The following CSMD1 variants were observed in gnomAD, a reference collection of about 807,000 sequenced individuals.
CSMD1 encodes the protein CUB and Sushi multiple domains 1, also known as CUB and sushi domain-containing protein 1.
CSMD1 carries 213 observed loss-of-function variants against 417.5 expected under a neutral mutation model. The observed-to-expected ratio is 0.51, with a 90% CI of 0.46 to 0.57. CSMD1 has a LOEUF of 0.57. Among genes scored for constraint, CSMD1 ranks in the 20% least tolerant of loss-of-function variants. The pLI is 0.00. For synonymous variants in CSMD1, 2,862 were observed against 1,736.8 expected, an observed-to-expected ratio of 1.65 and a Z score of -16.11; for missense variants, 6,923 against 4,529.7, an observed-to-expected ratio of 1.53 and a Z score of -15.17.
chr8:3,952,196 A>T (rs1811642246), intron 5 of CSMD1, among the ~76,000 whole-genome samples: 1 of 152,174 alleles, frequency 6.6e-6, no homozygotes. Flanking sequence ...GGTGTCTCCG[A>T]GGTGAAAAGA....
chr8:3,091,266 G>A (rs1027340608), intron 48 of CSMD1, among the ~76,000 whole-genome samples: 1 of 151,760 alleles, frequency 6.6e-6, no homozygotes, highest in African/African-American at 2.4e-5. Context: ...AAATGTCTTT[G>A]CTTTCTATAA....
intron 7 of CSMD1, among the ~76,000 whole-genome samples, chr8:3,657,107 G>A (rs188795624): frequency 1.3e-5 from 2 of 152,050 alleles, no homozygotes; most frequent in Admixed American, 6.5e-5. Context: ...ACTGGACATT[G>A]TCATTGGAGA....
chr8:4,177,550 G>C (rs1309399538), intron 3 of CSMD1, among the ~76,000 whole-genome samples: 2 of 152,000 alleles, frequency 1.3e-5, no homozygotes, highest in Non-Finnish European at 2.9e-5. Flanking sequence ...CACATTCAAA[G>C]CTAGCAGAAG....
At chr8:3,361,171 T>C (rs1358910562) in intron 20 of CSMD1, among the ~76,000 whole-genome samples, 3 of 152,180 alleles carry the variant, frequency 2.0e-5, no homozygotes, top group Non-Finnish European at 4.4e-5. Flanking sequence ...CAACAAACAT[T>C]AATTGACAAC....
intron 11 of CSMD1, among the ~76,000 whole-genome samples, chr8:3,492,649 G>T (rs1007116708): frequency 3.3e-5 from 5 of 152,178 alleles, no homozygotes; most frequent in Non-Finnish European, 7.3e-5. Flanking sequence ...CTGTCTTTGA[G>T]GCCCTCTCTC....
At chr8:4,027,483 A>G (rs2130546737) in intron 4 of CSMD1, among the ~76,000 whole-genome samples, 1 of 152,178 alleles carries the variant, frequency 6.6e-6, no homozygotes, top group Non-Finnish European at 1.5e-5. Flanking sequence ...TTCTCATGAG[A>G]TATGATGGCT....
At chr8:4,392,304 C>A (rs373464423) in intron 3 of CSMD1, among the ~76,000 whole-genome samples, 1 of 152,194 alleles carries the variant, frequency 6.6e-6, no homozygotes, top group Non-Finnish European at 1.5e-5. Flanking sequence ...AAAACACAAG[C>A]GGCAGGTTTT....
chr8:4,823,376 T>A (rs1438537179), intron 1 of CSMD1, among the ~76,000 whole-genome samples: 1 of 152,082 alleles, frequency 6.6e-6, no homozygotes, highest in African/African-American at 2.4e-5. Context: ...AGTATGACTT[T>A]GAAAAAAAAT....
intron 4 of CSMD1, among the ~76,000 whole-genome samples, chr8:4,001,499 T>C (rs1487853900): frequency 6.6e-6 from 1 of 152,202 alleles, no homozygotes; most frequent in Non-Finnish European, 1.5e-5. Context: ...AGAACTGTGC[T>C]GGTGCCCACC....
intron 26 of CSMD1, among the ~76,000 whole-genome samples, chr8:3,235,485 G>C (rs1799096687): frequency 6.6e-6 from 1 of 152,142 alleles, no homozygotes; most frequent in African/African-American, 2.4e-5. Context: ...AATGAGATTG[G>C]CAAATACTGC....
At chr8:4,749,388 A>T (rs1369189609) in intron 1 of CSMD1, among the ~76,000 whole-genome samples, 1 of 152,250 alleles carries the variant, frequency 6.6e-6, no homozygotes, top group Non-Finnish European at 1.5e-5. Context: ...GGTCCTTGAT[A>T]GTGTAAACAC....
intron 1 of CSMD1, among the ~76,000 whole-genome samples, chr8:4,976,858 C>G (rs140414601): frequency 2.0e-5 from 3 of 152,084 alleles, no homozygotes; most frequent in African/African-American, 7.2e-5. Context: ...GGCAACTGTG[C>G]TTAAAGAAAT....
chr8:4,123,411 T>G (rs1802594936), intron 3 of CSMD1, among the ~76,000 whole-genome samples: 1 of 152,254 alleles, frequency 6.6e-6, no homozygotes, highest in Non-Finnish European at 1.5e-5. Context: ...ATATTTCATT[T>G]GCTTTACTGT....
intron 6 of CSMD1, among the ~76,000 whole-genome samples, chr8:3,725,495 T>C (rs1187301501): frequency 1.3e-5 from 2 of 152,148 alleles, no homozygotes; most frequent in African/African-American, 2.4e-5. Context: ...TTGTGGGTGA[T>C]ATGAATGTGT....
chr8:3,549,852 A>G (rs1798833729), intron 10 of CSMD1, among the ~76,000 whole-genome samples: 1 of 152,192 alleles, frequency 6.6e-6, no homozygotes, highest in Non-Finnish European at 1.5e-5. Context: ...TACAAGCAAC[A>G]GACAGTGGAG....
intron 7 of CSMD1, among the ~76,000 whole-genome samples, chr8:3,694,789 G>A (rs578098858): frequency 2.4e-4 from 37 of 152,012 alleles, no homozygotes; most frequent in African/African-American, 7.5e-4. Context: ...CCAAGCAGAA[G>A]TAACAGAAAG....
intron 46 of CSMD1, among the ~76,000 whole-genome samples, chr8:3,099,068 C>G (rs1815548895): frequency 6.6e-6 from 1 of 152,020 alleles, no homozygotes; most frequent in South Asian, 2.1e-4. Flanking sequence ...CCCTTAATGC[C>G]CTGCAACTCT....
At chr8:3,556,720 T>G (rs1189843861) in intron 10 of CSMD1, among the ~76,000 whole-genome samples, 1 of 151,952 alleles carries the variant, frequency 6.6e-6, no homozygotes, top group African/African-American at 2.4e-5. Context: ...GACTTAACAT[T>G]TAACTTCTCC....
intron 33 of CSMD1, among the ~76,000 whole-genome samples, chr8:3,197,662 C>T (rs1193624419): frequency 1.3e-5 from 2 of 151,932 alleles, no homozygotes; most frequent in Non-Finnish European, 2.9e-5. Context: ...GACGGGGTTT[C>T]ACCATGTTAG....
Sources: gnomAD v4.1 joint callset for allele counts (sites outside exome capture counted in the v4.1 genomes callset) on GRCh38, gnomAD v4.1.1 for gene constraint, MANE v1.5 for transcripts, NCBI Gene and HGNC (gene_info 2026-07-23, HGNC 2026-07-21) for gene names.